Variants in CEP250 observed in about 807,000 individuals in gnomAD.
CEP250 encodes centrosomal protein 250.
CEP250 carries 242 observed loss-of-function variants against 315.7 expected under a neutral mutation model. The ratio of observed to expected loss-of-function variants is 0.77; its 90% CI spans 0.69 to 0.85. The LOEUF is 0.85. Among genes scored for constraint, CEP250 ranks in the 40% least tolerant of loss-of-function variants. The pLI, the probability that CEP250 is intolerant of heterozygous loss-of-function variation, is 0.00. For missense variants in CEP250, 2,515 were observed against 2,886.4 expected (o/e 0.87, Z 2.95); for synonymous variants, 1,088 against 1,175.0 (o/e 0.93, Z 1.51).
intron 20 of CEP250, among the ~76,000 whole-genome samples, chr20:35,490,267 C>T (rs527320236): frequency 1.8e-4 from 28 of 152,124 alleles, no homozygotes; most frequent in African/African-American, 6.5e-4. Flanking sequence ...GAGCGGAGAT[C>T]GTGCCACTGC....
intron 12 of CEP250, 98 bp from the exon 13 acceptor site, chr20:35,473,276 C>A: frequency 9.6e-7 from 1 of 1,039,272 alleles, no homozygotes; most frequent in Non-Finnish European, 1.4e-6. Context: ...TTTTGTTGCA[C>A]CAGCCCCCGA....
rs544653063 is a variant in CEP250, at chr20:35,517,104, G to A, written c.*5478G>A. ...GCCTCCATCCCTTCCTCAACCGTCC[G>A]CAGAACACCTCCTTCCAGCACCTTA... On this transcript the variant is annotated 3_prime_UTR_variant, in exon 35 of 35. Transcript: ENST00000397527. 19 of 792,430 alleles carry A rather than the reference G, an allele frequency of 2.4e-5. No individual in the cohort carries two copies. The highest frequency in any genetic ancestry group is 5.7e-5 in the South Asian group (1 of 17,480). The allele number at this position is 792,430 out of a possible 1,614,324, so 49.1% of individuals were successfully genotyped here.
intron 2 of CEP250, among the ~76,000 whole-genome samples, chr20:35,459,569 G>T (rs1449227777): frequency 6.6e-6 from 1 of 151,110 alleles, no homozygotes; most frequent in Non-Finnish European, 1.5e-5. Flanking sequence ...GTGGCTGTCT[G>T]AAACCAGGAG....
In CEP250 at chr20:35,465,824, AG is replaced by A. The variant is rs1348719854; in HGVS notation, c.326+1del. The A allele has an allele frequency of 6.2e-7, 1 of 1,605,920 alleles. No homozygotes were observed. The highest frequency in any genetic ancestry group is 8.5e-7 in the Non-Finnish European group (1 of 1,176,856). ...GGTCCGATTGGAGGAGGAGCAACAG[AG>A]GTGATGGACCCCAAACTTTCTGACC... is the stretch of plus-strand genomic sequence containing the variant. ...LLVRLEEEQQ[R>X]CESLAEVNTQ... On this transcript the variant is annotated frameshift_variant and splice_region_variant, in exon 6 of 35. Coordinates refer to ENST00000397527, the MANE Select transcript of CEP250 (RefSeq NM_007186.6). LOFTEE classifies it high-confidence loss of function.
At chr20:35,463,063 T>C (rs1397497183) in intron 4 of CEP250, among the ~76,000 whole-genome samples, 2 of 152,194 alleles carry the variant, frequency 1.3e-5, no homozygotes, top group Admixed American at 6.5e-5. Context: ...TATTTATTTA[T>C]TTATTTTTGA....
intron 30 of CEP250, among the ~76,000 whole-genome samples, chr20:35,506,073 G>A (rs1255555843): frequency 6.6e-6 from 1 of 152,190 alleles, no homozygotes; most frequent in African/African-American, 2.4e-5. Context: ...GGTCTGAGAG[G>A]TAGGACTTGA....
intron 22 of CEP250, among the ~76,000 whole-genome samples, chr20:35,493,189 G>C (rs919018910): frequency 1.3e-5 from 2 of 151,910 alleles, no homozygotes; most frequent in Non-Finnish European, 2.9e-5. Flanking sequence ...GTAGGGATAT[G>C]GTTAGGAGAC....
intron 20 of CEP250, 123 bp from the exon 21 acceptor site, chr20:35,490,514 C>A: frequency 2.6e-6 from 2 of 780,744 alleles, no homozygotes; most frequent in Non-Finnish European, 2.0e-6. Context: ...AGGCAACAGG[C>A]TTAGAGAGGT....
chr20:35,478,494 G>A (rs922584104), intron 17 of CEP250, among the ~76,000 whole-genome samples: 51 of 152,164 alleles, frequency 3.4e-4, no homozygotes, highest in Admixed American at 3.3e-3. Flanking sequence ...GAATCTGGGA[G>A]GCGGAGGTTG....
rs185692516 is a variant in CEP250, at chr20:35,510,095, A to G, written c.7065+41A>G. ...TCTAAGCCCATATTCCCTCCCTTGC[A>G]CTCAGGCCCTTTGTGCACCTCCAGC... On this transcript the variant is annotated intron_variant, in intron 34 of 34. Coordinates refer to ENST00000397527, the MANE Select transcript of CEP250 (RefSeq NM_007186.6). 3.9e-5 allele frequency: 61 copies of G among 1,583,140 alleles called. 1 individual carries two copies. In the African/African-American group the frequency reaches 7.1e-4, roughly 19 times the overall value.
At chr20:35,496,496 T>C in intron 24 of CEP250, 81 bp from the exon 25 acceptor site, 1 of 1,152,914 alleles carries the variant, frequency 8.7e-7, no homozygotes, top group South Asian at 1.6e-5. Flanking sequence ...TTATTAATGC[T>C]ATGTTTAGAA....
chr20:35,477,811 G>A (rs1277865822), intron 16 of CEP250, 60 bp from the exon 17 acceptor site: 1 of 1,346,164 alleles, frequency 7.4e-7, no homozygotes, highest in Admixed American at 2.1e-5. Flanking sequence ...CTTAGCATTT[G>A]ATTCCTAAAC....
intron 5 of CEP250, among the ~76,000 whole-genome samples, chr20:35,465,063 T>C (rs2083162923): frequency 6.6e-6 from 1 of 152,220 alleles, no homozygotes; most frequent in Non-Finnish European, 1.5e-5. Context: ...ACAGCAACTT[T>C]CTGAAGGGAA....
In CEP250 at chr20:35,477,996, C is replaced by A; in HGVS notation, c.1989C>A (p.His663Gln). Reference protein sequence around the residue: ...RREALWEKNTHLEAQLQKAEE... With the variant: ...RREALWEKNTQLEAQLQKAEE... Reference sequence around the variant, plus strand: ...AAGCCCTGTGGGAAAAGAACACTCACCTGGAGGCTCAGCTGCAGAAAGCTG... The same window carrying A: ...AAGCCCTGTGGGAAAAGAACACTCAACTGGAGGCTCAGCTGCAGAAAGCTG... Residue 663 changes from histidine to glutamine, a missense_variant, in exon 17 of 35, where the codon CAC becomes CAA. Physicochemically the swap from His to Gln is conservative, Grantham distance 24 (BLOSUM62 0). Transcript: ENST00000397527. 1.9e-6 allele frequency: 3 copies of A among 1,613,990 alleles called. No individual in the cohort carries two copies. The highest frequency in any genetic ancestry group is 2.5e-6 in the Non-Finnish European group (3 of 1,179,976).
intron 25 of CEP250, 22 bp from the exon 26 acceptor site, chr20:35,497,697 A>C: frequency 4.0e-6 from 6 of 1,506,674 alleles, no homozygotes; most frequent in Non-Finnish European, 5.4e-6. Flanking sequence ...TGCTTATATT[A>C]TGTAAAATTC....
chr20:35,462,610 T>C, intron 4 of CEP250, 57 bp downstream of exon 4: 1 of 1,459,602 alleles, frequency 6.9e-7, no homozygotes, highest in Admixed American at 2.1e-5. Flanking sequence ...AGCTAGGTGC[T>C]GAGGTGAGAT....
rs368886450 is a variant in CEP250 at position 35,504,227 on chromosome 20, G to A, written c.5858G>A (p.Arg1953Gln). 104 of 1,607,992 alleles carry A rather than the reference G, an allele frequency of 6.5e-5. No individual in the cohort carries two copies. The highest frequency in any genetic ancestry group is 4.8e-4 in the African/African-American group (36 of 74,972). The change falls in exon 30 of 35, where the codon CGG (arginine) becomes CAG (glutamine). Residue 1953 changes from arginine (R) to glutamine (Q), a missense_variant. Transcript: ENST00000397527. Reference sequence around the variant, plus strand: ...CTGCGGGCAGAAAGTCAGTCCTCCCGGCATCAGGAGGAGGCTGCCCGGGCC... The same window carrying A: ...CTGCGGGCAGAAAGTCAGTCCTCCCAGCATCAGGAGGAGGCTGCCCGGGCC... Reference protein sequence around the residue: ...EALRAESQSSRHQEEAARARA... With the variant: ...EALRAESQSSQHQEEAARARA...
rs534403110 is a variant in CEP250, at chr20:35,500,337, G to A, written c.3898+168G>A. On this transcript the variant is annotated intron_variant, in intron 28 of 34. Transcript: ENST00000397527. ...GAGTACAATGTCACGACTTCGGCTC[G>A]CTGCAACCTATGTCTTCCGAGCAGC... is the stretch of plus-strand genomic sequence containing the variant. 2.1e-3 allele frequency among the ~76,000 whole-genome samples: 326 copies of A among 152,266 alleles called. 8 individuals carry two copies. The highest frequency in any genetic ancestry group is 2.5e-3 in the Non-Finnish European group (167 of 68,012).
rs1187801977 is a variant in CEP250 at position 35,504,276 on chromosome 20, C to G, written c.5907C>G (p.Ala1969=). 1 of 1,591,028 alleles carries G rather than the reference C, an allele frequency of 6.3e-7. No homozygotes were observed. Among genetic ancestry groups the G allele is most frequent in the Non-Finnish European group, 8.6e-7 (1 of 1,169,248 alleles). ...ARARAEALQE[A]LGKAHAALQG... ...CCCGGGCTGAGGCTCTGCAGGAGGC[C>G]CTTGGCAAGGCTCATGCTGCCCTGC... The change falls in exon 30 of 35, where the codon GCC becomes GCG. Residue 1969 remains alanine, a synonymous_variant. Coordinates refer to ENST00000397527, the MANE Select transcript of CEP250 (RefSeq NM_007186.6).
Sources: allele counts gnomAD v4.1 joint callset (sites outside exome capture counted in the v4.1 genomes callset), GRCh38; gene constraint gnomAD v4.1.1; transcripts MANE v1.5; gene names NCBI Gene and HGNC (gene_info 2026-07-23, HGNC 2026-07-21).